The following TAFA5 variants were observed in gnomAD, a reference collection of about 807,000 sequenced individuals.
TAFA5 encodes the protein TAFA chemokine like family member 5.
TAFA5 carries 6 observed loss-of-function variants against 15.3 expected under a neutral mutation model. That is an observed-to-expected ratio of 0.39 (90% CI 0.21 to 0.77). The LOEUF is 0.77. Ranked by LOEUF, TAFA5 falls within the 30% of genes least tolerant of loss-of-function variation. The pLI, the probability that TAFA5 is intolerant of heterozygous loss-of-function variation, is 0.41. For synonymous variants in TAFA5, 103 were observed against 80.7 expected (o/e 1.28, Z -1.48); for missense variants, 161 against 193.1 (o/e 0.83, Z 0.98).
intron 1 of TAFA5, among the ~76,000 whole-genome samples, chr22:48,542,933 C>CTGGGGTGTATAGTCTG (rs1922514123): frequency 7.0e-6 from 1 of 143,268 alleles, no homozygotes; most frequent in African/African-American, 2.6e-5. Context: ...GGTGTACTGT[C>CTGGGGTGTATAGTCTG]TGGGGTGTAT....
rs1480239839 is a variant in TAFA5, at chr22:48,490,764, A to C, written c.112+1060A>C. ...CATGGGCGCGGGAGGTGATGGAAAAATATGGATTCTTTACAAAAAAAAAAA... is the reference window on the plus strand; with the variant it reads ...CATGGGCGCGGGAGGTGATGGAAAACTATGGATTCTTTACAAAAAAAAAAA... On this transcript the variant is annotated intron_variant, in intron 1 of 3. Coordinates refer to ENST00000402357, the MANE Select transcript of TAFA5 (RefSeq NM_001082967.3). The surrounding 1 kb of genome is among the most constrained non-coding windows in gnomAD (Gnocchi z 5.8). Among the ~76,000 whole-genome samples the C allele has an allele frequency of 1.4e-4, 18 of 130,476 alleles. No homozygotes were observed. Among genetic ancestry groups the C allele is most frequent in the Non-Finnish European group, 6.3e-5 (4 of 63,804 alleles). 85.6% of individuals were successfully genotyped at this position (130,476 alleles called of 152,430 possible).
chr22:48,512,591 A>T (rs544794369), intron 1 of TAFA5, among the ~76,000 whole-genome samples: 2 of 150,890 alleles, frequency 1.3e-5, no homozygotes, highest in Admixed American at 1.3e-4. Context: ...ACACCACTGC[A>T]CTCCAGCCTG....
rs560434575 is a variant in TAFA5 at position 48,528,399 on chromosome 22, A to G, written c.112+38695A>G. 7.9e-5 allele frequency among the ~76,000 whole-genome samples: 12 copies of G among 152,204 alleles called. 1 individual carries two copies. In the South Asian group the frequency reaches 2.5e-3, roughly 32 times the overall value. On this transcript the variant is annotated intron_variant, in intron 1 of 3. Coordinates refer to ENST00000402357, the MANE Select transcript of TAFA5 (RefSeq NM_001082967.3). ...GATGCCTGTGTATAGCCAAGGCCAT[A>G]GTGAGGAGGCACCCCTGGAAGGGCA...
At chr22:48,644,817 G>A (rs1926806711) in intron 1 of TAFA5, among the ~76,000 whole-genome samples, 1 of 152,184 alleles carries the variant, frequency 6.6e-6, no homozygotes, top group Admixed American at 6.5e-5. Context: ...TCTCTGCAAG[G>A]GTGGGATGGC....
At chr22:48,653,638 C>T (rs1346497485) in intron 2 of TAFA5, among the ~76,000 whole-genome samples, 1 of 152,204 alleles carries the variant, frequency 6.6e-6, no homozygotes, top group African/African-American at 2.4e-5. Context: ...CCCAGCAGTT[C>T]CTTCCAGATC....
intron 2 of TAFA5, among the ~76,000 whole-genome samples, chr22:48,650,254 G>A (rs1927006117): frequency 1.3e-5 from 2 of 152,198 alleles, no homozygotes; most frequent in African/African-American, 4.8e-5. Context: ...ACAGGCGCTC[G>A]GAATGCCGGA....
chr22:48,617,071 C>G (rs1925635038), intron 1 of TAFA5, among the ~76,000 whole-genome samples: 1 of 152,182 alleles, frequency 6.6e-6, no homozygotes, highest in Non-Finnish European at 1.5e-5. Flanking sequence ...GTTGGCTGAA[C>G]AATGCACTCC....
At chr22:48,585,071 C>G (rs1924293533) in intron 1 of TAFA5, among the ~76,000 whole-genome samples, 1 of 144,514 alleles carries the variant, frequency 6.9e-6, no homozygotes, top group Admixed American at 7.0e-5. Context: ...ATCACACACA[C>G]AGCATACACT....
intron 1 of TAFA5, among the ~76,000 whole-genome samples, chr22:48,645,950 A>G (rs1385227376): frequency 2.7e-5 from 4 of 150,590 alleles, no homozygotes; most frequent in Non-Finnish European, 3.0e-5. Context: ...ACACACGTAC[A>G]TGCACATATG....
chr22:48,544,534 G>A lies in TAFA5; in HGVS notation c.112+54830G>A. On this transcript the variant is annotated intron_variant, in intron 1 of 3. Transcript: ENST00000402357. ...CTGGGCTTTTTTCAAATGAGCTGCA[G>A]CACCAGGAGGGTGCAACGGCGCTAA... The A allele has an allele frequency of 5.3e-6, 2 of 375,810 alleles. 1 individual carries two copies. The highest frequency in any genetic ancestry group is 3.9e-5 in the South Asian group (2 of 51,532). The allele number at this position is 375,810 out of a possible 1,614,324, so 23.3% of individuals were successfully genotyped here.
intron 3 of TAFA5, among the ~76,000 whole-genome samples, chr22:48,718,275 G>T (rs773430422): frequency 1.3e-5 from 2 of 152,198 alleles, no homozygotes; most frequent in African/African-American, 4.8e-5. Context: ...CGCTGTGGCC[G>T]TCATTAGTCA....
intron 3 of TAFA5, among the ~76,000 whole-genome samples, chr22:48,710,428 T>C (rs1929215758): frequency 6.6e-6 from 1 of 152,168 alleles, no homozygotes; most frequent in Non-Finnish European, 1.5e-5. Context: ...TCCTCCCCTG[T>C]AGTTCTTCAG....
At position 48,712,513 on chromosome 22, in the gene TAFA5, G is replaced by A. The variant is rs190816946; in HGVS notation, c.390+4669G>A. ...GGGTGAGCGCCCGGTGACAAAGCAC[G>A]CGCCTGGGCACACAGGCTCACATGG... On this transcript the variant is annotated intron_variant, in intron 3 of 3. Coordinates refer to ENST00000402357, the MANE Select transcript of TAFA5 (RefSeq NM_001082967.3). 4.4e-3 allele frequency among the ~76,000 whole-genome samples: 666 copies of A among 152,356 alleles called. 4 individuals carry two copies. Among genetic ancestry groups the A allele is most frequent in the African/African-American group, 0.015 (615 of 41,576 alleles).
At chr22:48,510,451 C>T (rs752192247) in intron 1 of TAFA5, among the ~76,000 whole-genome samples, 11 of 152,206 alleles carry the variant, frequency 7.2e-5, no homozygotes, top group African/African-American at 1.9e-4. Flanking sequence ...GGTTGATGTT[C>T]GGTGTTCATT....
intron 2 of TAFA5, among the ~76,000 whole-genome samples, chr22:48,675,630 G>A (rs1486327664): frequency 6.6e-6 from 1 of 152,256 alleles, no homozygotes; most frequent in Non-Finnish European, 1.5e-5. Flanking sequence ...GACCTAGGAG[G>A]CATGTGCCGA....
At chr22:48,680,122 C>T (rs1195207570) in intron 2 of TAFA5, among the ~76,000 whole-genome samples, 2 of 152,180 alleles carry the variant, frequency 1.3e-5, no homozygotes, top group African/African-American at 2.4e-5. Flanking sequence ...TGGCCATGGT[C>T]CCCCCACCCT....
chr22:48,740,688 AC>A (rs966733654), intron 3 of TAFA5, among the ~76,000 whole-genome samples: 1 of 152,022 alleles, frequency 6.6e-6, no homozygotes, highest in African/African-American at 2.4e-5. Context: ...TCACGTGTCC[AC>A]CCCTGATGGA....
At chr22:48,523,219 G>C (rs1180257484) in intron 1 of TAFA5, among the ~76,000 whole-genome samples, 1 of 152,234 alleles carries the variant, frequency 6.6e-6, no homozygotes, top group Non-Finnish European at 1.5e-5. Flanking sequence ...GGCTTGGTGG[G>C]CACTTCGTGG....
At chr22:48,718,707 G>A (rs376078301) in intron 3 of TAFA5, among the ~76,000 whole-genome samples, 3 of 152,146 alleles carry the variant, frequency 2.0e-5, no homozygotes, top group Non-Finnish European at 4.4e-5. Context: ...AGGAATTCAC[G>A]CAGCCCTTTC....
Sources: gnomAD v4.1 joint callset for allele counts (sites outside exome capture counted in the v4.1 genomes callset) on GRCh38, gnomAD v4.1.1 for gene constraint, Gnocchi (gnomAD v3.1) non-coding constraint, MANE v1.5 for transcripts, NCBI Gene and HGNC (gene_info 2026-07-23, HGNC 2026-07-21) for gene names.